The following TASP1 variants were observed in gnomAD, a reference collection of about 807,000 sequenced individuals.
TASP1 encodes threonine aspartase 1.
Under a neutral mutation model 56.6 loss-of-function variants are expected in TASP1, and 16 were observed. That is an observed-to-expected ratio of 0.28 (90% CI 0.19 to 0.43). TASP1 has a LOEUF of 0.43. Ranked by LOEUF, TASP1 falls within the 20% of genes least tolerant of loss-of-function variation. The pLI is 1.00. For synonymous variants in TASP1, 179 were observed against 184.2 expected (o/e 0.97, Z 0.23); for missense variants, 393 against 511.6 (o/e 0.77, Z 2.24).
At chr20:13,593,217 T>A (rs1568624904) in intron 4 of TASP1, among the ~76,000 whole-genome samples, 1 of 152,102 alleles carries the variant, frequency 6.6e-6, no homozygotes, top group East Asian at 1.9e-4. Context: ...GATTAAACAG[T>A]TAAAAAAAAA....
At chr20:13,466,516 G>A (rs2044265774) in intron 11 of TASP1, among the ~76,000 whole-genome samples, 1 of 152,150 alleles carries the variant, frequency 6.6e-6, no homozygotes, top group African/African-American at 2.4e-5. Context: ...GGAGGCCAAG[G>A]CAGGAAGATC....
chr20:13,297,066 C>G, the TASP1 span, among the ~76,000 whole-genome samples: 1 of 152,076 alleles, frequency 6.6e-6, no homozygotes, highest in Non-Finnish European at 1.5e-5. Flanking sequence ...TTGTCCTGAT[C>G]AATCAGTGAG....
chr20:13,534,541 T>C (rs1568555068), intron 8 of TASP1, among the ~76,000 whole-genome samples: 1 of 152,214 alleles, frequency 6.6e-6, no homozygotes, highest in Non-Finnish European at 1.5e-5. Flanking sequence ...AATACTCTTG[T>C]TGGTATTTCT....
At chr20:13,345,105 G>C in the TASP1 span, among the ~76,000 whole-genome samples, 10 of 151,876 alleles carry the variant, frequency 6.6e-5, no homozygotes, top group African/African-American at 2.4e-4. Flanking sequence ...TCTTAAAACT[G>C]GTGTTTATTT....
the TASP1 span, among the ~76,000 whole-genome samples, chr20:13,341,665 C>A: frequency 6.6e-6 from 1 of 152,110 alleles, no homozygotes; most frequent in African/African-American, 2.4e-5. Flanking sequence ...CTCAGAGTAA[C>A]CCTATGGAGT....
chr20:13,616,931 T>C (rs2048544291), intron 4 of TASP1: 1 of 380,538 alleles, frequency 2.6e-6, no homozygotes, highest in Non-Finnish European at 5.2e-6. Flanking sequence ...GCCTGTCTTC[T>C]AATTAAATCA....
chr20:13,380,125 G>A, the TASP1 span, among the ~76,000 whole-genome samples: 1 of 152,188 alleles, frequency 6.6e-6, no homozygotes, highest in African/African-American at 2.4e-5. Flanking sequence ...CTGGTAAGGA[G>A]TTGTGATCCT....
rs770222431 is a variant in TASP1 at position 13,588,667 on chromosome 20, AC to A, written c.283-1298del. ...ACATTGAAAAAATTTTTAATTCAAT[AC>A]CTAAATAGGTGGAAAACATTCTATG... is the stretch of plus-strand genomic sequence containing the variant. On this transcript the variant is annotated intron_variant, in intron 4 of 13. Transcript: ENST00000337743. Among the ~76,000 whole-genome samples, 3 of 152,336 alleles carry A rather than the reference AC, an allele frequency of 2.0e-5. No individual in the cohort carries two copies. The East Asian group carries it at 5.8e-4, about 29-fold the overall frequency.
the TASP1 span, among the ~76,000 whole-genome samples, chr20:13,144,753 A>ATG: frequency 1.3e-5 from 2 of 151,490 alleles, no homozygotes; most frequent in Non-Finnish European, 2.9e-5. Flanking sequence ...GAGGTCTACT[A>ATG]TGTGTGTGTG....
In TASP1 at chr20:13,580,816, G is replaced by A. The variant is rs1407996713; in HGVS notation, c.488+81C>T. On this transcript the variant is annotated intron_variant, in intron 6 of 13. Transcript: ENST00000337743. ...TCTTCTTCGCAAAGGCATGCTACCT[G>A]GTATGTAACCAACAGCATCAGCCTT... 7.3e-6 allele frequency: 10 copies of A among 1,371,846 alleles called. No individual in the cohort carries two copies. The East Asian group carries it at 2.3e-4, about 31-fold the overall frequency. The allele number at this position is 1,371,846 out of a possible 1,614,324, so 85.0% of individuals were successfully genotyped here. A position where few individuals can be genotyped will look rare whatever the true frequency, so the allele number is the denominator to read the frequency against.
the TASP1 span, among the ~76,000 whole-genome samples, chr20:13,128,723 C>T: frequency 2.0e-5 from 3 of 151,764 alleles, 1 homozygote; most frequent in South Asian, 6.2e-4. Context: ...CAGAGTCTTG[C>T]TCTGTCACCC....
chr20:13,228,835 C>G, the TASP1 span, among the ~76,000 whole-genome samples: 1 of 152,100 alleles, frequency 6.6e-6, no homozygotes, highest in Non-Finnish European at 1.5e-5. Context: ...TCTTCTCATA[C>G]TTTTATTTCT....
the TASP1 span, among the ~76,000 whole-genome samples, chr20:13,149,616 T>A: frequency 1.3e-5 from 2 of 152,210 alleles, no homozygotes; most frequent in Non-Finnish European, 2.9e-5. Context: ...CCACAAAGTG[T>A]GTCATAATGG....
the TASP1 span, among the ~76,000 whole-genome samples, chr20:13,179,244 A>T: frequency 6.6e-6 from 1 of 152,170 alleles, no homozygotes; most frequent in Non-Finnish European, 1.5e-5. Flanking sequence ...TTATTTGACA[A>T]GTTTAATTAA....
Position 13,580,825 on chromosome 20 carries a change from C to A in TASP1, c.488+72G>T, listed in dbSNP as rs2047094166. 1.0e-5 allele frequency: 15 copies of A among 1,491,492 alleles called. 1 individual carries two copies. In the South Asian group the frequency reaches 1.7e-4, roughly 17 times the overall value. The allele number at this position is 1,491,492 out of a possible 1,614,324, so 92.4% of individuals were successfully genotyped here. On this transcript the variant is annotated intron_variant, in intron 6 of 13. Transcript: ENST00000337743. Reference sequence around the variant, plus strand: ...CAAAGGCATGCTACCTGGTATGTAACCAACAGCATCAGCCTTCTGTGGATA... The same window carrying A: ...CAAAGGCATGCTACCTGGTATGTAAACAACAGCATCAGCCTTCTGTGGATA...
chr20:13,311,228 AGATAGATAGATAGAT>A, the TASP1 span, among the ~76,000 whole-genome samples: 3 of 114,140 alleles, frequency 2.6e-5, no homozygotes, highest in South Asian at 2.8e-4. Context: ...ATAGATAGAT[AGATAGATAGATAGAT>A]GATAGATAGA....
At chr20:13,123,038 TA>T in the TASP1 span, among the ~76,000 whole-genome samples, 3 of 152,120 alleles carry the variant, frequency 2.0e-5, no homozygotes, top group South Asian at 6.2e-4. Flanking sequence ...GGCCATTGAT[TA>T]ACAATACTCG....
chr20:13,164,961 A>C, the TASP1 span: 1 of 1,127,978 alleles, frequency 8.9e-7, no homozygotes, highest in East Asian at 2.6e-5. Context: ...CCCCTTCCTC[A>C]GGACAATTTT....
the TASP1 span, among the ~76,000 whole-genome samples, chr20:13,337,966 G>T: frequency 5.3e-5 from 8 of 152,170 alleles, no homozygotes; most frequent in African/African-American, 1.9e-4. Flanking sequence ...TACCAGAAAA[G>T]GGTCCTGATC....
Sources: gnomAD v4.1 joint callset for allele counts (sites outside exome capture counted in the v4.1 genomes callset) on GRCh38, gnomAD v4.1.1 for gene constraint, MANE v1.5 for transcripts, NCBI Gene and HGNC (gene_info 2026-07-23, HGNC 2026-07-21) for gene names.